DOCK4: variants seen among roughly 807,000 people sequenced by gnomAD.
DOCK4 encodes dedicator of cytokinesis protein 4.
In DOCK4, 97 loss-of-function variants were observed where a neutral mutation model predicts 268.1. The ratio of observed to expected loss-of-function variants is 0.36; its 90% CI spans 0.31 to 0.43. The LOEUF (loss-of-function observed/expected upper bound fraction) is 0.43. Ranked by LOEUF, DOCK4 falls within the 20% of genes least tolerant of loss-of-function variation. The probability of loss-of-function intolerance (pLI) is 1.00; values close to 1 mark genes in which losing one functional copy is unlikely to be tolerated. For synonymous variants in DOCK4, 954 were observed against 887.2 expected (o/e 1.08, Z -1.34); for missense variants, 2,145 against 2,455.7 (o/e 0.87, Z 2.67).
At chr7:111,847,803 A>C (rs1453992927) in intron 23 of DOCK4, among the ~76,000 whole-genome samples, 1 of 152,000 alleles carries the variant, frequency 6.6e-6, no homozygotes, top group East Asian at 1.9e-4. Context: ...TTTATAACTT[A>C]CCCAGTCTTC....
chr7:111,881,117 A>G (rs1807348176), intron 16 of DOCK4, among the ~76,000 whole-genome samples: 1 of 152,214 alleles, frequency 6.6e-6, no homozygotes, highest in Non-Finnish European at 1.5e-5. Flanking sequence ...AAAGGAAATA[A>G]TCACCAAAGT....
At chr7:111,799,973 G>A (rs2133851314) in intron 30 of DOCK4, among the ~76,000 whole-genome samples, 1 of 152,168 alleles carries the variant, frequency 6.6e-6, no homozygotes. Flanking sequence ...AATTCTAATT[G>A]CTGTAATATT....
At chr7:111,978,225 C>A (rs997438261) in intron 7 of DOCK4, among the ~76,000 whole-genome samples, 1 of 152,044 alleles carries the variant, frequency 6.6e-6, no homozygotes, top group Non-Finnish European at 1.5e-5. Flanking sequence ...AAGCAAAGAC[C>A]CAGATTACTG....
intron 36 of DOCK4, among the ~76,000 whole-genome samples, chr7:111,772,095 G>T (rs925874072): frequency 4.6e-5 from 7 of 152,226 alleles, no homozygotes; most frequent in Non-Finnish European, 8.8e-5. Context: ...GTTGCCAGGG[G>T]TAAGAGGAAT....
At chr7:112,082,803 T>A (rs1208952263) in intron 1 of DOCK4, among the ~76,000 whole-genome samples, 1 of 152,182 alleles carries the variant, frequency 6.6e-6, no homozygotes, top group Admixed American at 6.6e-5. Flanking sequence ...CAACTGAGAT[T>A]GGTAGTGCTA....
intron 1 of DOCK4, among the ~76,000 whole-genome samples, chr7:112,158,379 A>G (rs1314341723): frequency 6.6e-6 from 1 of 152,222 alleles, no homozygotes; most frequent in African/African-American, 2.4e-5. Context: ...AGGAATATAG[A>G]CACAACAGTA....
chr7:112,087,938 T>A lies in DOCK4; in HGVS notation c.38-83807A>T, dbSNP rs73715421. On this transcript the variant is annotated intron_variant, in intron 1 of 52. Transcript: ENST00000428084. Reference sequence around the variant, plus strand: ...GTAATTACTACTCCAACACAAGGTGTTAAAAAATATGATAGAAATAGTCAA... The same window carrying A: ...GTAATTACTACTCCAACACAAGGTGATAAAAAATATGATAGAAATAGTCAA... Among the ~76,000 whole-genome samples, 1,009 of 152,100 alleles carry A rather than the reference T, an allele frequency of 6.6e-3. 9 individuals are homozygous for A. The highest frequency in any genetic ancestry group is 0.022 in the African/African-American group (930 of 41,462).
chr7:111,946,770 C>T (rs1422711444), intron 8 of DOCK4, among the ~76,000 whole-genome samples: 3 of 152,080 alleles, frequency 2.0e-5, no homozygotes, highest in African/African-American at 7.2e-5. Context: ...TAAGTAGAGA[C>T]AGCATTTCAC....
At chr7:111,922,668 A>C (rs1385570708) in intron 12 of DOCK4, among the ~76,000 whole-genome samples, 1 of 151,264 alleles carries the variant, frequency 6.6e-6, no homozygotes, top group Non-Finnish European at 1.5e-5. Flanking sequence ...TGCAACCTCC[A>C]CCTCCCAGGT....
At chr7:112,072,111 G>A (rs1009310407) in intron 1 of DOCK4, among the ~76,000 whole-genome samples, 1 of 151,988 alleles carries the variant, frequency 6.6e-6, no homozygotes, top group African/African-American at 2.4e-5. Context: ...TTTCTCTGAG[G>A]CTCTATCAAA....
At chr7:112,033,984 G>A (rs1803511655) in intron 1 of DOCK4, among the ~76,000 whole-genome samples, 1 of 152,072 alleles carries the variant, frequency 6.6e-6, no homozygotes, top group Non-Finnish European at 1.5e-5. Context: ...TCAATTCATG[G>A]GCTAATCCAT....
chr7:112,204,882 A>AAC (rs34706974), intron 1 of DOCK4, among the ~76,000 whole-genome samples: 62,231 of 149,788 alleles, frequency 0.42, 13,290 homozygotes, highest in East Asian at 0.59. Flanking sequence ...TCAATTTTAA[A>AAC]ACACACACAC....
intron 25 of DOCK4, among the ~76,000 whole-genome samples, chr7:111,837,616 T>A (rs368005762): frequency 4.5e-4 from 69 of 152,136 alleles, no homozygotes; most frequent in African/African-American, 1.4e-3. Flanking sequence ...AAATGAACAA[T>A]CAGAAATTGA....
chr7:112,155,810 T>C (rs915112143), intron 1 of DOCK4, among the ~76,000 whole-genome samples: 1 of 152,210 alleles, frequency 6.6e-6, no homozygotes, highest in Non-Finnish European at 1.5e-5. Context: ...AAAAGAACTT[T>C]CTGTGATAAT....
At chr7:111,970,999 T>G (rs1001349482) in intron 8 of DOCK4, among the ~76,000 whole-genome samples, 5 of 152,222 alleles carry the variant, frequency 3.3e-5, no homozygotes, top group African/African-American at 1.2e-4. Context: ...TCAGGAAATG[T>G]ACTCTTCCTG....
chr7:111,836,081 T>C (rs1026905557), intron 25 of DOCK4, among the ~76,000 whole-genome samples: 2 of 152,104 alleles, frequency 1.3e-5, no homozygotes, highest in Non-Finnish European at 2.9e-5. Flanking sequence ...AAAGGCAATA[T>C]TATTAATATT....
chr7:111,791,268 T>A (rs1228174540), intron 30 of DOCK4, among the ~76,000 whole-genome samples: 2 of 98,172 alleles, frequency 2.0e-5, no homozygotes. Context: ...TATTTTTAAT[T>A]TAAAAAATAC....
At chr7:112,071,584 T>A (rs1322565133) in intron 1 of DOCK4, among the ~76,000 whole-genome samples, 1 of 152,244 alleles carries the variant, frequency 6.6e-6, no homozygotes, top group Non-Finnish European at 1.5e-5. Context: ...TGAATGATTC[T>A]ATTCCAATAG....
chr7:111,879,957 C>T (rs991338267), intron 16 of DOCK4, among the ~76,000 whole-genome samples: 3 of 152,082 alleles, frequency 2.0e-5, no homozygotes, highest in African/African-American at 7.2e-5. Context: ...AAGTGCAAAT[C>T]TAAGAGTTAT....
Sources: allele counts gnomAD v4.1 joint callset (sites outside exome capture counted in the v4.1 genomes callset), GRCh38; gene constraint gnomAD v4.1.1; transcripts MANE v1.5; gene names NCBI Gene and HGNC (gene_info 2026-07-23, HGNC 2026-07-21).